STEAP2: variants seen among roughly 807,000 people sequenced by gnomAD.
STEAP2 encodes STEAP2 metalloreductase, also known as metalloreductase STEAP2.
STEAP2 carries 30 observed loss-of-function variants against 46.4 expected under a neutral mutation model. The observed-to-expected ratio is 0.65, with a 90% CI of 0.48 to 0.88. The LOEUF is 0.88. Among genes scored for constraint, STEAP2 ranks in the 40% least tolerant of loss-of-function variants. The probability of loss-of-function intolerance (pLI) is 0.00; values close to 1 mark genes in which losing one functional copy is unlikely to be tolerated. For missense variants in STEAP2, 513 were observed against 579.3 expected, an observed-to-expected ratio of 0.89 and a Z score of 1.18; for synonymous variants, 180 against 200.5, an observed-to-expected ratio of 0.90 and a Z score of 0.86.
At chr7:90,224,736 C>T (rs1171057710) in intron 2 of STEAP2, among the ~76,000 whole-genome samples, 1 of 152,150 alleles carries the variant, frequency 6.6e-6, no homozygotes, top group Non-Finnish European at 1.5e-5. Flanking sequence ...CAGAACTACT[C>T]AATCAGAATC....
At chr7:90,227,739 G>T (rs925712071) in intron 4 of STEAP2, among the ~76,000 whole-genome samples, 17 of 152,060 alleles carry the variant, frequency 1.1e-4, no homozygotes, top group Non-Finnish European at 2.2e-4. Context: ...AAAATAGAGG[G>T]TTGGGTTCTC....
Position 90,225,080 on chromosome 7 carries a change from A to G in STEAP2, c.-3A>G, listed in dbSNP as rs1562806639. On this transcript the variant is annotated 5_prime_UTR_variant, in exon 3 of 6. Coordinates refer to ENST00000394621, the MANE Select transcript of STEAP2 (RefSeq NM_001244944.2). ...TCTTGGTGATCTTGGAAGTGTCCGT[A>G]TCATGGAATCAATCTCTATGATGGG... The G allele has an allele frequency of 6.2e-7, 1 of 1,612,172 alleles. No individual in the cohort carries two copies. Among genetic ancestry groups the G allele is most frequent in the Admixed American group, 1.7e-5 (1 of 59,778 alleles).
At chr7:90,229,336 C>G (rs186527670) in intron 4 of STEAP2, among the ~76,000 whole-genome samples, 190 of 152,202 alleles carry the variant, frequency 1.2e-3, no homozygotes, top group Non-Finnish European at 2.4e-3. Context: ...CTAGGGAAAT[C>G]ACAGCTTTCT....
In STEAP2 at chr7:90,234,362, A is replaced by T. The variant is rs1308713873; in HGVS notation, c.*1738A>T. 1 of 985,196 alleles carries T rather than the reference A, an allele frequency of 1.0e-6. No individual in the cohort carries two copies. 61.0% of individuals were successfully genotyped at this position (985,196 alleles called of 1,614,324 possible). A position where few individuals can be genotyped will look rare whatever the true frequency, so the allele number is the denominator to read the frequency against. On this transcript the variant is annotated 3_prime_UTR_variant, in exon 6 of 6. Coordinates refer to ENST00000394621, the MANE Select transcript of STEAP2 (RefSeq NM_001244944.2). ...TATATGCGTTCCTCTTCCTGAAATT[A>T]TAACATTTCTAAACTTACCCACGTA...
At chr7:90,225,600 A>T (rs761726290) in intron 3 of STEAP2, 26 bp downstream of exon 3, 1 of 1,536,356 alleles carries the variant, frequency 6.5e-7, no homozygotes, top group Admixed American at 2.2e-5. Context: ...TTTTATTCTT[A>T]TGTATCTGGT....
chr7:90,237,064 C>A lies in STEAP2; in HGVS notation c.*4440C>A. 2 of 1,124,570 alleles carry A rather than the reference C, an allele frequency of 1.8e-6. No homozygotes were observed. Among genetic ancestry groups the A allele is most frequent in the Non-Finnish European group, 2.6e-6 (2 of 777,400 alleles). 69.7% of individuals were successfully genotyped at this position (1,124,570 alleles called of 1,614,324 possible). ...ATGAAGTCTCCTCAAAGGAAGGCAG[C>A]ATGTGTCCTTTTTCATCCCTTCATC... is the stretch of plus-strand genomic sequence containing the variant. On this transcript the variant is annotated 3_prime_UTR_variant, in exon 6 of 6. Transcript: ENST00000394621.
At position 90,236,049 on chromosome 7, in the gene STEAP2, A is replaced by T. The variant is rs1724789163; in HGVS notation, c.*3425A>T. 2 of 806,136 alleles carry T rather than the reference A, an allele frequency of 2.5e-6. No individual in the cohort carries two copies. The highest frequency in any genetic ancestry group is 6.2e-5 in the Admixed American group (1 of 16,020). 49.9% of individuals were successfully genotyped at this position (806,136 alleles called of 1,614,324 possible). The stretch of plus-strand genomic sequence containing the variant: ...ATTATACTTTCATTACAATCAAATT[A>T]TAGAAATTACTTGTGTAAAAGGGCT... On this transcript the variant is annotated 3_prime_UTR_variant, in exon 6 of 6. Coordinates refer to ENST00000394621, the MANE Select transcript of STEAP2 (RefSeq NM_001244944.2).
At chr7:90,222,267 G>A (rs1186996800) in intron 2 of STEAP2, among the ~76,000 whole-genome samples, 1 of 151,900 alleles carries the variant, frequency 6.6e-6, no homozygotes, top group African/African-American at 2.4e-5. Context: ...CCAAGGGAGT[G>A]GTCTATCTTG....
At chr7:90,231,129 C>G (rs1445115122) in intron 5 of STEAP2, among the ~76,000 whole-genome samples, 1 of 151,732 alleles carries the variant, frequency 6.6e-6, no homozygotes, top group South Asian at 2.1e-4. Context: ...ACAGACTATT[C>G]TTCAAAGTAA....
chr7:90,232,609 G>C lies in STEAP2; in HGVS notation c.1458G>C (p.Arg486Ser). ...GGTIPHVSPE[R>S]VTVM ...CAATTCCTCATGTCTCCCCGGAGAG[G>C]GTCACAGTAATGTGATGACAAATGG... Residue 486 changes from arginine (R) to serine (S), a missense_variant, in exon 6 of 6, where the codon AGG becomes AGC. Coordinates refer to ENST00000394621, the MANE Select transcript of STEAP2 (RefSeq NM_001244944.2). The C allele has an allele frequency of 6.2e-7, 1 of 1,610,760 alleles. No homozygotes were observed. Among genetic ancestry groups the C allele is most frequent in the Non-Finnish European group, 8.5e-7 (1 of 1,178,210 alleles).
chr7:90,230,874 T>A (rs903845728), intron 5 of STEAP2, among the ~76,000 whole-genome samples: 5 of 151,576 alleles, frequency 3.3e-5, no homozygotes, highest in Admixed American at 3.3e-4. Flanking sequence ...CCTGTAAAAA[T>A]CTCATTCAAA....
In STEAP2 at chr7:90,234,548, T is replaced by G. The variant is rs1414893501; in HGVS notation, c.*1924T>G. ...TGAATTTTATTATCTTGTACCCTCTTTTTTTTTTTTTTTTTTTTTAAAGAC... is the reference window on the plus strand; with the variant it reads ...TGAATTTTATTATCTTGTACCCTCTGTTTTTTTTTTTTTTTTTTTAAAGAC... On this transcript the variant is annotated 3_prime_UTR_variant, in exon 6 of 6. Coordinates refer to ENST00000394621, the MANE Select transcript of STEAP2 (RefSeq NM_001244944.2). 5.9e-6 allele frequency: 3 copies of G among 509,136 alleles called. No individual in the cohort carries two copies. Among genetic ancestry groups the G allele is most frequent in the Non-Finnish European group, 7.4e-6 (3 of 405,156 alleles). 31.5% of individuals were successfully genotyped at this position (509,136 alleles called of 1,614,324 possible).
chr7:90,218,054 C>T (rs1217746026), intron 2 of STEAP2, among the ~76,000 whole-genome samples: 2 of 152,000 alleles, frequency 1.3e-5, no homozygotes, highest in Non-Finnish European at 2.9e-5. Context: ...ACCTATTAAC[C>T]ATTTGTTTGT....
At chr7:90,238,561 G>C (rs968681726), downstream of STEAP2, among the ~76,000 whole-genome samples, 8 of 152,078 alleles carry the variant, frequency 5.3e-5, no homozygotes, top group Non-Finnish European at 1.2e-4. Flanking sequence ...CTCAAAGACC[G>C]AGCAATTAAC....
chr7:90,219,951 T>G (rs1412767915), intron 2 of STEAP2, among the ~76,000 whole-genome samples: 1 of 152,202 alleles, frequency 6.6e-6, no homozygotes, highest in African/African-American at 2.4e-5. Context: ...GGGCTTAAAC[T>G]CCTGGCTTCA....
At chr7:90,238,887 C>G (rs1304627711), downstream of STEAP2, among the ~76,000 whole-genome samples, 1 of 152,174 alleles carries the variant, frequency 6.6e-6, no homozygotes, top group Non-Finnish European at 1.5e-5. Context: ...AGAAAAACCC[C>G]TCAGGGGCAG....
chr7:90,241,126 G>T (rs1176690908), downstream of STEAP2, among the ~76,000 whole-genome samples: 1 of 152,012 alleles, frequency 6.6e-6, no homozygotes, highest in East Asian at 1.9e-4. Flanking sequence ...TATGGATGCT[G>T]TTAAAACTAC....
downstream of STEAP2, among the ~76,000 whole-genome samples, chr7:90,242,951 T>A (rs1796081428): frequency 1.3e-5 from 2 of 152,172 alleles, no homozygotes; most frequent in African/African-American, 4.8e-5. Context: ...TACAGACTAG[T>A]ATAACAGGAT....
rs1240109667 is a variant in STEAP2, at chr7:90,225,075, T to C, written c.-8T>C. ...GATATTCTTGGTGATCTTGGAAGTG[T>C]CCGTATCATGGAATCAATCTCTATG... On this transcript the variant is annotated 5_prime_UTR_variant, in exon 3 of 6. Coordinates refer to ENST00000394621, the MANE Select transcript of STEAP2 (RefSeq NM_001244944.2). 6.2e-7 allele frequency: 1 copy of C among 1,611,280 alleles called. No individual in the cohort carries two copies. The highest frequency in any genetic ancestry group is 1.1e-5 in the South Asian group (1 of 90,632).
Sources: allele counts gnomAD v4.1 joint callset (sites outside exome capture counted in the v4.1 genomes callset), GRCh38; gene constraint gnomAD v4.1.1; transcripts MANE v1.5; gene names NCBI Gene and HGNC (gene_info 2026-07-23, HGNC 2026-07-21).